Variants in IL6R observed in about 807,000 individuals in gnomAD.
The protein encoded by IL6R is interleukin 6 receptor.
IL6R carries 38 observed loss-of-function variants against 48.3 expected under a neutral mutation model. The ratio of observed to expected loss-of-function variants is 0.79; its 90% CI spans 0.61 to 1.03. IL6R has a LOEUF of 1.03. Ranked by LOEUF, IL6R falls within the 50% of genes least tolerant of loss-of-function variation. IL6R has a pLI of 0.00. For missense variants in IL6R, 534 were observed against 618.3 expected, an observed-to-expected ratio of 0.86 and a Z score of 1.45; for synonymous variants, 264 against 256.2, an observed-to-expected ratio of 1.03 and a Z score of -0.29.
intron 1 of IL6R, among the ~76,000 whole-genome samples, chr1:154,416,661 G>A (rs1049482059): frequency 1.3e-5 from 2 of 152,042 alleles, no homozygotes; most frequent in Non-Finnish European, 2.9e-5. Flanking sequence ...CAGTGTGTGC[G>A]TGCATGTGTC....
chr1:154,420,904 AT>A (rs1688625216), intron 1 of IL6R, among the ~76,000 whole-genome samples: 1 of 152,152 alleles, frequency 6.6e-6, no homozygotes, highest in Admixed American at 6.5e-5. Context: ...ACCCCACACA[AT>A]TAATAGTCAG....
At chr1:154,439,937 C>T (rs1373800238) in intron 6 of IL6R, among the ~76,000 whole-genome samples, 1 of 151,826 alleles carries the variant, frequency 6.6e-6, no homozygotes, top group African/African-American at 2.4e-5. Flanking sequence ...CTCACTCTGT[C>T]ACCCACCCAG....
In IL6R at chr1:154,457,322, CAAAAAA is replaced by C. The variant is rs60033332; in HGVS notation, c.1160+2758_1160+2763del. ...TGGACAACAGAGCAAGACTCCGTCTCAAAAAAAAAAAAAAAAAAAAAAGAAAAGAAA... is the reference window on the plus strand; with the variant it reads ...TGGACAACAGAGCAAGACTCCGTCTCAAAAAAAAAAAAAAAAGAAAAGAAA... On this transcript the variant is annotated intron_variant, in intron 9 of 9. Transcript: ENST00000368485. Among the ~76,000 whole-genome samples the C allele has an allele frequency of 3.3e-4, 26 of 78,070 alleles. No homozygotes were observed. The South Asian group carries it at 9.2e-3, about 27-fold the overall frequency. 51.2% of individuals were successfully genotyped at this position (78,070 alleles called of 152,430 possible). A position where few individuals can be genotyped will look rare whatever the true frequency, so the allele number is the denominator to read the frequency against.
intron 9 of IL6R, among the ~76,000 whole-genome samples, chr1:154,459,847 A>T (rs921590557): frequency 6.6e-6 from 1 of 152,162 alleles, no homozygotes; most frequent in Admixed American, 6.6e-5. Flanking sequence ...ATGAGCTTAC[A>T]TCATTAAGTG....
intron 1 of IL6R, among the ~76,000 whole-genome samples, chr1:154,413,002 C>A (rs944038339): frequency 7.2e-6 from 1 of 139,232 alleles, no homozygotes; most frequent in Non-Finnish European, 1.6e-5. Flanking sequence ...TTATCTGGTT[C>A]CCCCCCTTTT....
rs185091989 is a variant in IL6R, at chr1:154,457,088, C to T, written c.1160+2507C>T. The stretch of plus-strand genomic sequence containing the variant: ...CTGTAATCCCAACACTTTGGGAGGC[C>T]GAGGCAGGTGGATCACTTCATGTCA... On this transcript the variant is annotated intron_variant, in intron 9 of 9. Coordinates refer to ENST00000368485, the MANE Select transcript of IL6R (RefSeq NM_000565.4). Among the ~76,000 whole-genome samples, 351 of 151,874 alleles carry T rather than the reference C, an allele frequency of 2.3e-3. 1 individual carries two copies. Among genetic ancestry groups the T allele is most frequent in the African/African-American group, 8.2e-3 (338 of 41,440 alleles).
chr1:154,418,323 G>A (rs928788530), intron 1 of IL6R: 1 of 661,914 alleles, frequency 1.5e-6, no homozygotes, highest in Non-Finnish European at 1.9e-6. Flanking sequence ...GTGGGTCTCT[G>A]AGTCAGCATT....
At chr1:154,435,296 G>A (rs1019327801) in intron 5 of IL6R, 140 bp downstream of exon 5, 3 of 714,766 alleles carry the variant, frequency 4.2e-6, no homozygotes, top group Non-Finnish European at 6.9e-6. Context: ...AATCACTTGA[G>A]GTCAGGAGTT....
At chr1:154,433,123 G>A (rs1490080913) in intron 3 of IL6R, among the ~76,000 whole-genome samples, 3 of 152,222 alleles carry the variant, frequency 2.0e-5, no homozygotes, top group Non-Finnish European at 4.4e-5. Context: ...CCCTGCCTTC[G>A]TGGCTGGGTG....
chr1:154,460,342 T>A (rs2149275246), intron 9 of IL6R, among the ~76,000 whole-genome samples: 1 of 152,296 alleles, frequency 6.6e-6, no homozygotes, highest in South Asian at 2.1e-4. Flanking sequence ...TCTTTGAGTT[T>A]AGTGATTTTC....
At chr1:154,449,309 G>A (rs937686976) in intron 7 of IL6R, among the ~76,000 whole-genome samples, 1 of 151,998 alleles carries the variant, frequency 6.6e-6, no homozygotes, top group Non-Finnish European at 1.5e-5. Context: ...GAGGTCAGGA[G>A]TTCAAGACCA....
chr1:154,432,343 C>T (rs1423108331), intron 3 of IL6R, among the ~76,000 whole-genome samples: 1 of 151,656 alleles, frequency 6.6e-6, no homozygotes, highest in African/African-American at 2.4e-5. Context: ...ATTTCTGACA[C>T]TTCAACTGAA....
Position 154,405,712 on chromosome 1 carries a change from A to G in IL6R, c.83A>G (p.Gln28Arg). 1 of 1,504,800 alleles carries G rather than the reference A, an allele frequency of 6.6e-7. No individual in the cohort carries two copies. Among genetic ancestry groups the G allele is most frequent in the Non-Finnish European group, 8.8e-7 (1 of 1,135,570 alleles). The allele number at this position is 1,504,800 out of a possible 1,614,324, so 93.2% of individuals were successfully genotyped here. A position where few individuals can be genotyped will look rare whatever the true frequency, so the allele number is the denominator to read the frequency against. ...CTGGCCCCAAGGCGCTGCCCTGCGC[A>G]GGGTAAGGGCTTCGGGCGCACCTGG... ...AALAPRRCPA[Q>R]EVARGVLTSL... Residue 28 changes from glutamine to arginine, a missense_variant and splice_region_variant, in exon 1 of 10, where the codon CAG (glutamine) becomes CGG (arginine). Coordinates refer to ENST00000368485, the MANE Select transcript of IL6R (RefSeq NM_000565.4). The surrounding 1 kb of genome is among the most constrained non-coding windows in gnomAD (Gnocchi z 5.2).
At position 154,429,256 on chromosome 1, in the gene IL6R, G is replaced by C; in HGVS notation, c.146G>C (p.Gly49Ala). Reference protein sequence around the residue: ...PGDSVTLTCPGVEPEDNATVH... With the variant: ...PGDSVTLTCPAVEPEDNATVH... ...GACAGCGTGACTCTGACCTGCCCGG[G>C]GGTAGAGCCGGAAGACAATGCCACT... The change falls in exon 2 of 10, where the codon GGG (glycine) becomes GCG (alanine). Residue 49 changes from glycine (G) to alanine (A), a missense_variant. Gly to Ala is a moderately conservative substitution (Grantham distance 60, BLOSUM62 0). Coordinates refer to ENST00000368485, the MANE Select transcript of IL6R (RefSeq NM_000565.4). 1 of 1,614,156 alleles carries C rather than the reference G, an allele frequency of 6.2e-7. No individual in the cohort carries two copies. The highest frequency in any genetic ancestry group is 2.2e-5 in the East Asian group (1 of 44,872).
chr1:154,452,828 A>G (rs138433212), intron 8 of IL6R, among the ~76,000 whole-genome samples: 2,491 of 151,082 alleles, frequency 0.016, 67 homozygotes, highest in African/African-American at 0.056. Flanking sequence ...AAAAAAATTC[A>G]TTTGTCTGTC....
intron 1 of IL6R, among the ~76,000 whole-genome samples, chr1:154,416,186 G>A (rs2149213787): frequency 6.6e-6 from 1 of 152,076 alleles, no homozygotes; most frequent in Non-Finnish European, 1.5e-5. Context: ...CTGGAGTGCA[G>A]TGTCTTGATC....
chr1:154,406,767 G>A (rs765134608), intron 1 of IL6R, among the ~76,000 whole-genome samples: 11 of 152,278 alleles, frequency 7.2e-5, no homozygotes, highest in Non-Finnish European at 1.2e-4. Flanking sequence ...GAGTGTCTGA[G>A]GCTCTCTTTG....
At chr1:154,455,703 C>T (rs1279813291) in intron 9 of IL6R, among the ~76,000 whole-genome samples, 1 of 151,234 alleles carries the variant, frequency 6.6e-6, no homozygotes, top group Non-Finnish European at 1.5e-5. Context: ...CCGCCTGCCT[C>T]AGCCTCCCAA....
At chr1:154,427,756 T>C (rs1458114459) in intron 1 of IL6R, among the ~76,000 whole-genome samples, 2 of 152,190 alleles carry the variant, frequency 1.3e-5, no homozygotes, top group Non-Finnish European at 2.9e-5. Context: ...AGGGGTGTTA[T>C]CTGCCTGGGA....
Sources: gnomAD v4.1 joint callset for allele counts (sites outside exome capture counted in the v4.1 genomes callset) on GRCh38, gnomAD v4.1.1 for gene constraint, Gnocchi (gnomAD v3.1) non-coding constraint, MANE v1.5 for transcripts, NCBI Gene and HGNC (gene_info 2026-07-23, HGNC 2026-07-21) for gene names.